Variants in TECPR1 observed in about 807,000 individuals in gnomAD.
TECPR1 encodes tectonin beta-propeller repeat-containing protein 1.
TECPR1 carries 122 observed loss-of-function variants against 162.4 expected under a neutral mutation model. The observed-to-expected ratio is 0.75, with a 90% CI of 0.65 to 0.87. TECPR1 has a LOEUF of 0.87. Ranked by LOEUF, TECPR1 falls within the 40% of genes least tolerant of loss-of-function variation. The pLI is 0.00. For synonymous variants in TECPR1, 642 were observed against 670.6 expected (o/e 0.96, Z 0.66); for missense variants, 1,432 against 1,618.2 (o/e 0.88, Z 1.97).
At chr7:98,236,971 C>A (rs1487490689) in intron 9 of TECPR1, 50 bp from the exon 10 acceptor site, 1 of 1,474,618 alleles carries the variant, frequency 6.8e-7, no homozygotes. Flanking sequence ...GGCCCGGGGG[C>A]TCTTCTCGCT....
chr7:98,233,190 A>G, intron 11 of TECPR1: 1 of 778,332 alleles, frequency 1.3e-6, no homozygotes, highest in Non-Finnish European at 1.9e-6. Flanking sequence ...GAGGGGCTGC[A>G]GACAGGGGAA....
rs1334933667 is a variant in TECPR1 at position 98,217,734 on chromosome 7, C to G, written c.3342G>C (p.Gln1114His). 1.3e-6 allele frequency: 2 copies of G among 1,550,054 alleles called. No individual in the cohort carries two copies. The highest frequency in any genetic ancestry group is 2.4e-5 in the East Asian group (1 of 40,914). The stretch of plus-strand genomic sequence containing the variant: ...AGCCGTGGCCCTTGGGCTCGTGAGG[C>G]TGCACGCCGGTGCGATGACACACTG... The part of the protein sequence containing the change: ...RGTVCHRTGV[Q>H]PHEPKGHGWD... The change falls in exon 25 of 26, where the codon CAG becomes CAC. Residue 1114 changes from glutamine (Q) to histidine (H), a missense_variant. Transcript: ENST00000447648.
intron 19 of TECPR1, among the ~76,000 whole-genome samples, chr7:98,224,177 C>T (rs60997612): frequency 0.23 from 34,779 of 152,102 alleles, 4,320 homozygotes; most frequent in South Asian, 0.44. Context: ...GCCGAGGGGA[C>T]GGTCCTGGTC....
chr7:98,239,321 C>T (rs1256154789), intron 8 of TECPR1, among the ~76,000 whole-genome samples: 4 of 152,152 alleles, frequency 2.6e-5, no homozygotes, highest in Admixed American at 6.6e-5. Context: ...GAGGCTGAGG[C>T]GGGTGGATCA....
At position 98,217,153 on chromosome 7, in the gene TECPR1, GC is replaced by G; in HGVS notation, c.*236del. ...TCTGGGAGGTGCAGCCCCACCCCAT[GC>G]CCCACACCCCGGGACTCCTCGCAGA... On this transcript the variant is annotated 3_prime_UTR_variant, in exon 26 of 26. Transcript: ENST00000447648. 1 of 479,472 alleles carries G rather than the reference GC, an allele frequency of 2.1e-6. No homozygotes were observed. Among genetic ancestry groups the G allele is most frequent in the Non-Finnish European group, 3.7e-6 (1 of 270,844 alleles). The allele number at this position is 479,472 out of a possible 1,614,324, so 29.7% of individuals were successfully genotyped here. A position where few individuals can be genotyped will look rare whatever the true frequency, so the allele number is the denominator to read the frequency against.
At chr7:98,229,576 T>C (rs974671023) in intron 15 of TECPR1, among the ~76,000 whole-genome samples, 2 of 152,162 alleles carry the variant, frequency 1.3e-5, no homozygotes, top group Admixed American at 6.5e-5. Flanking sequence ...GAGCCGGACA[T>C]GACATCTAAT....
rs548284347 is a variant in TECPR1, at chr7:98,232,086, T to A, written c.1819-127A>T. ...AGGGCCCACCCAGCACTCCCGGCTGTCAGCCCAGCTCCCCCTATGCTAATG... is the reference window on the plus strand; with the variant it reads ...AGGGCCCACCCAGCACTCCCGGCTGACAGCCCAGCTCCCCCTATGCTAATG... On this transcript the variant is annotated intron_variant, in intron 12 of 25. Coordinates refer to ENST00000447648, the MANE Select transcript of TECPR1 (RefSeq NM_015395.3). The surrounding 1 kb of genome is among the most constrained non-coding windows in gnomAD (Gnocchi z 4.6). The A allele has an allele frequency of 4.0e-4, 388 of 961,654 alleles. 1 individual carries two copies. In the African/African-American group the frequency reaches 6.0e-3, roughly 15 times the overall value. 59.6% of individuals were successfully genotyped at this position (961,654 alleles called of 1,614,324 possible).
At chr7:98,231,983 A>C (rs1798456000) in intron 12 of TECPR1, 24 bp from the exon 13 acceptor site, 1 of 1,583,270 alleles carries the variant, frequency 6.3e-7, no homozygotes, top group African/African-American at 1.3e-5. Context: ...GGCAGTGGAC[A>C]CCATCACAGG....
In TECPR1 at chr7:98,233,695, G is replaced by GC; in HGVS notation, c.1397dup (p.Ser467GlnfsTer25). 1 of 1,610,236 alleles carries GC rather than the reference G, an allele frequency of 6.2e-7. No individual in the cohort carries two copies. The highest frequency in any genetic ancestry group is 8.5e-7 in the Non-Finnish European group (1 of 1,178,086). ...GCGTGTTGGGTCTGGCCTCCCTGCT[G>GC]CCCTCGGCTGGGCAGGCATCTTCCA... is the stretch of plus-strand genomic sequence containing the variant. On this transcript the variant is annotated frameshift_variant, in exon 11 of 26. Coordinates refer to ENST00000447648, the MANE Select transcript of TECPR1 (RefSeq NM_015395.3). LOFTEE classifies it high-confidence loss of function.
At chr7:98,239,545 ACT>A (rs1459042856) in intron 8 of TECPR1, among the ~76,000 whole-genome samples, 2 of 151,966 alleles carry the variant, frequency 1.3e-5, no homozygotes, top group South Asian at 2.1e-4. Flanking sequence ...ACGGAACGAG[ACT>A]CTGTCTCAAA....
chr7:98,244,836 G>A (rs368162284), intron 4 of TECPR1, 49 bp downstream of exon 4: 62 of 1,605,164 alleles, frequency 3.9e-5, no homozygotes, highest in Non-Finnish European at 5.0e-5. Flanking sequence ...ACAGGCGGGA[G>A]GCACCCCCTC....
chr7:98,231,401 G>A (rs772665908), intron 13 of TECPR1, 28 bp from the exon 14 acceptor site: 1 of 1,565,308 alleles, frequency 6.4e-7, no homozygotes, highest in Non-Finnish European at 8.7e-7. Context: ...GCCCGGCAGG[G>A]CTGTCACCCA....
chr7:98,238,184 G>A (rs117748096), intron 9 of TECPR1, among the ~76,000 whole-genome samples: 2,034 of 152,342 alleles, frequency 0.013, 28 homozygotes, highest in Middle Eastern at 0.027. Flanking sequence ...AAGAAGTAAG[G>A]TTTGCTAAAG....
Position 98,215,596 on chromosome 7 carries a change from G to C in TECPR1, c.*1794C>G, listed in dbSNP as rs1015668687. Reference sequence around the variant, plus strand: ...AACAGCTGGTGCTCAGCAGCGAGAGGACGCGTCACTCTGCCGTTCTGCAGG... The same window carrying C: ...AACAGCTGGTGCTCAGCAGCGAGAGCACGCGTCACTCTGCCGTTCTGCAGG... On this transcript the variant is annotated 3_prime_UTR_variant, in exon 26 of 26. Transcript: ENST00000447648. 1 of 152,254 alleles carries C rather than the reference G, an allele frequency of 6.6e-6. No individual in the cohort carries two copies. Among genetic ancestry groups the C allele is most frequent in the Non-Finnish European group, 1.5e-5 (1 of 68,058 alleles). The allele number at this position is 152,254 out of a possible 1,614,324, so 9.4% of individuals were successfully genotyped here. A position where few individuals can be genotyped will look rare whatever the true frequency, so the allele number is the denominator to read the frequency against.
chr7:98,227,542 C>A (rs940483240), intron 17 of TECPR1, among the ~76,000 whole-genome samples: 2 of 151,866 alleles, frequency 1.3e-5, no homozygotes, highest in African/African-American at 4.8e-5. Flanking sequence ...GACTTCTGAC[C>A]GGGCGTGGTG....
chr7:98,229,557 C>T (rs1798367359), intron 15 of TECPR1, among the ~76,000 whole-genome samples: 1 of 152,176 alleles, frequency 6.6e-6, no homozygotes, highest in African/African-American at 2.4e-5. Flanking sequence ...GCTTGAATGT[C>T]ACAGAGCAGA....
chr7:98,235,556 G>A (rs80292432), intron 10 of TECPR1, among the ~76,000 whole-genome samples: 24,962 of 146,600 alleles, frequency 0.17, 2,245 homozygotes, highest in South Asian at 0.29. Flanking sequence ...ACCAGCTGGC[G>A]GGGTGTGGTG....
chr7:98,249,140 G>C (rs767851792), intron 2 of TECPR1, among the ~76,000 whole-genome samples: 6 of 152,068 alleles, frequency 3.9e-5, no homozygotes, highest in Non-Finnish European at 8.8e-5. Context: ...CCGTCCCAAA[G>C]TGCTACGATT....
intron 22 of TECPR1, among the ~76,000 whole-genome samples, chr7:98,221,999 G>A (rs1798154450): frequency 6.6e-6 from 1 of 152,230 alleles, no homozygotes; most frequent in Admixed American, 6.5e-5. Flanking sequence ...AGCTCATGGT[G>A]GAGACCCAGC....
Sources: allele counts gnomAD v4.1 joint callset (sites outside exome capture counted in the v4.1 genomes callset), GRCh38; gene constraint gnomAD v4.1.1; non-coding constraint Gnocchi (gnomAD v3.1); transcripts MANE v1.5; gene names NCBI Gene and HGNC (gene_info 2026-07-23, HGNC 2026-07-21).